The following HBS1L variants were observed in gnomAD, a reference collection of about 807,000 sequenced individuals.
HBS1L encodes HBS1-like protein.
HBS1L carries 55 observed loss-of-function variants against 88.9 expected under a neutral mutation model. The observed-to-expected ratio is 0.62, with a 90% CI of 0.50 to 0.77. The LOEUF (loss-of-function observed/expected upper bound fraction) is 0.77. HBS1L is among the 30% of genes least tolerant of loss of function. The probability of loss-of-function intolerance (pLI) is 0.00; values close to 1 mark genes in which losing one functional copy is unlikely to be tolerated. For missense variants in HBS1L, 741 were observed against 829.3 expected (o/e 0.89, Z 1.31); for synonymous variants, 267 against 288.5 (o/e 0.93, Z 0.76).
At chr6:134,965,661 T>C (rs1050014205) in intron 17 of HBS1L, among the ~76,000 whole-genome samples, 14 of 152,240 alleles carry the variant, frequency 9.2e-5, no homozygotes, top group African/African-American at 3.4e-4. Context: ...ATCCTATTTT[T>C]ACACTGAAGG....
At chr6:135,033,714 C>T (rs1418444224) in intron 4 of HBS1L, among the ~76,000 whole-genome samples, 1 of 152,206 alleles carries the variant, frequency 6.6e-6, no homozygotes, top group Non-Finnish European at 1.5e-5. Context: ...AAAAGTATTG[C>T]ATTTCCACTT....
chr6:134,975,781 G>A (rs1774626205), intron 15 of HBS1L, among the ~76,000 whole-genome samples: 1 of 152,052 alleles, frequency 6.6e-6, no homozygotes, highest in African/African-American at 2.4e-5. Context: ...GAGGGACTTG[G>A]ATCTAGGAAC....
At chr6:135,031,336 C>A (rs1261327318) in intron 4 of HBS1L, among the ~76,000 whole-genome samples, 2 of 151,988 alleles carry the variant, frequency 1.3e-5, no homozygotes, top group Non-Finnish European at 2.9e-5. Flanking sequence ...CTTGTAGGAG[C>A]AATGGTTCAG....
intron 12 of HBS1L, among the ~76,000 whole-genome samples, chr6:134,984,166 T>C (rs12525425): frequency 0.15 from 22,154 of 152,122 alleles, 1,785 homozygotes; most frequent in East Asian, 0.27. Flanking sequence ...TCTTGTATTC[T>C]TGATAAACAA....
At chr6:135,040,087 T>G (rs919892109) in intron 3 of HBS1L, among the ~76,000 whole-genome samples, 2 of 152,238 alleles carry the variant, frequency 1.3e-5, no homozygotes, top group African/African-American at 4.8e-5. Context: ...GTATCTGCAA[T>G]GATCATTTTT....
At chr6:135,003,568 TAAA>T (rs35996451) in intron 4 of HBS1L, among the ~76,000 whole-genome samples, 3 of 128,306 alleles carry the variant, frequency 2.3e-5, no homozygotes, top group Admixed American at 7.9e-5. Flanking sequence ...CTCCATCTCT[TAAA>T]AAAAAAAAAA....
At chr6:135,045,732 G>A (rs78763832) in intron 2 of HBS1L, among the ~76,000 whole-genome samples, 5,562 of 152,208 alleles carry the variant, frequency 0.037, 348 homozygotes, top group African/African-American at 0.13. Context: ...CTACTTGAGA[G>A]GCTGAGGCGT....
At chr6:135,047,480 A>G (rs1330822708) in intron 2 of HBS1L, among the ~76,000 whole-genome samples, 1 of 152,218 alleles carries the variant, frequency 6.6e-6, no homozygotes, top group East Asian at 1.9e-4. Context: ...CTCAATGCAT[A>G]CCACGAGCAT....
chr6:134,993,773 A>C lies in HBS1L; in HGVS notation c.1068T>G (p.Ile356Met). The change falls in exon 8 of 18, where the codon ATT (isoleucine) becomes ATG (methionine). Residue 356 changes from isoleucine to methionine, a missense_variant. Around this residue, in one of 3 missense-constraint regions of HBS1L, gnomAD observed 556 missense variants for 598.4 expected, o/e 0.93. Transcript: ENST00000367837. ...CAGCAGTTACCTGGGCTGCTCCTGT[A>C]ATCATATTTGGAATGAAGTCCTTAT... ...PGHKDFIPNMITGAAQADVAV... is the reference protein window; with the variant it reads ...PGHKDFIPNMMTGAAQADVAV... 1 of 1,569,632 alleles carries C rather than the reference A, an allele frequency of 6.4e-7. No homozygotes were observed. Among genetic ancestry groups the C allele is most frequent in the Non-Finnish European group, 8.7e-7 (1 of 1,147,746 alleles).
At position 135,002,654 on chromosome 6, in the gene HBS1L, GTC is replaced by G. The variant is rs539799667; in HGVS notation, c.539+78_539+79del. On this transcript the variant is annotated intron_variant, in intron 5 of 17. Transcript: ENST00000367837. Reference sequence around the variant, plus strand: ...TGATATATTATGCGAAATTGAAACAGTCTCTTTCTTACAGAAGCAACAGTGAT... The same window carrying G: ...TGATATATTATGCGAAATTGAAACAGTCTTTCTTACAGAAGCAACAGTGAT... The G allele has an allele frequency of 7.3e-4, 534 of 733,412 alleles. 1 individual carries two copies. Among genetic ancestry groups the G allele is most frequent in the Non-Finnish European group, 1.2e-3 (487 of 423,432 alleles). The allele number at this position is 733,412 out of a possible 1,614,324, so 45.4% of individuals were successfully genotyped here. A position where few individuals can be genotyped will look rare whatever the true frequency, so the allele number is the denominator to read the frequency against.
chr6:135,000,653 T>TA (rs1025561686), intron 5 of HBS1L, among the ~76,000 whole-genome samples: 3 of 151,998 alleles, frequency 2.0e-5, no homozygotes, highest in Non-Finnish European at 4.4e-5. Context: ...TTTTTTTTTT[T>TA]CTTCCAAATA....
chr6:134,967,373 C>T (rs1357778699), intron 16 of HBS1L, among the ~76,000 whole-genome samples: 1 of 152,166 alleles, frequency 6.6e-6, no homozygotes, highest in Admixed American at 6.5e-5. Flanking sequence ...TGGACAATTT[C>T]AGGCTTAAGT....
intron 4 of HBS1L, among the ~76,000 whole-genome samples, chr6:135,013,025 A>G (rs998276751): frequency 6.6e-5 from 10 of 152,190 alleles, no homozygotes; most frequent in Non-Finnish European, 1.0e-4. Flanking sequence ...TCCACACCAA[A>G]TGCCTCCAAT....
At chr6:135,010,191 A>G (rs1245111699) in intron 4 of HBS1L, among the ~76,000 whole-genome samples, 1 of 152,194 alleles carries the variant, frequency 6.6e-6, no homozygotes. Flanking sequence ...ATAGTCTACT[A>G]TCGCTAGAAA....
intron 2 of HBS1L, among the ~76,000 whole-genome samples, chr6:135,046,349 G>A (rs1205531258): frequency 8.8e-6 from 1 of 113,032 alleles, no homozygotes; most frequent in Non-Finnish European, 1.8e-5. Flanking sequence ...TTAGAATAGT[G>A]TTTTTCTTAC....
At position 134,982,451 on chromosome 6, in the gene HBS1L, T is replaced by C. The variant is rs1406010166; in HGVS notation, c.1597+7A>G. On this transcript the variant is annotated splice_region_variant and intron_variant, in intron 13 of 17. Coordinates refer to ENST00000367837, the MANE Select transcript of HBS1L (RefSeq NM_006620.4). ...TTGTTTAGCAAAAGCATCTTGCAGATAAATACCTTTCACGGTACAAGTTTC... is the reference window on the plus strand; with the variant it reads ...TTGTTTAGCAAAAGCATCTTGCAGACAAATACCTTTCACGGTACAAGTTTC... The C allele has an allele frequency of 6.4e-7, 1 of 1,563,548 alleles. No homozygotes were observed. The highest frequency in any genetic ancestry group is 8.8e-7 in the Non-Finnish European group (1 of 1,135,102).
chr6:135,047,498 T>C (rs1776948774), intron 2 of HBS1L, among the ~76,000 whole-genome samples: 1 of 152,220 alleles, frequency 6.6e-6, no homozygotes, highest in South Asian at 2.1e-4. Context: ...CATACCCCAG[T>C]GGGCTTGTTA....
chr6:135,028,264 T>A (rs923337691), intron 4 of HBS1L, among the ~76,000 whole-genome samples: 240 of 125,228 alleles, frequency 1.9e-3, no homozygotes, highest in African/African-American at 3.1e-3. Context: ...TGCAAGGTAA[T>A]AAAAAAAAAA....
intron 14 of HBS1L, 54 bp from the exon 15 acceptor site, chr6:134,978,841 A>G: frequency 9.6e-7 from 1 of 1,037,608 alleles, no homozygotes; most frequent in Non-Finnish European, 1.5e-6. Context: ...ATTTACATCA[A>G]ATAGAAAGAC....
Sources: allele counts gnomAD v4.1 joint callset (sites outside exome capture counted in the v4.1 genomes callset), GRCh38; gene constraint gnomAD v4.1.1; regional missense constraint gnomAD v4.1.1; transcripts MANE v1.5; gene names NCBI Gene and HGNC (gene_info 2026-07-23, HGNC 2026-07-21).